TDRD10: variants seen among roughly 807,000 people sequenced by gnomAD.
TDRD10 encodes the protein tudor domain containing 10.
In TDRD10, 40 loss-of-function variants were observed where a neutral mutation model predicts 48.0. That is an observed-to-expected ratio of 0.83 (90% confidence interval 0.65 to 1.09). TDRD10 has a LOEUF of 1.09. Ranked by LOEUF, TDRD10 falls within the 50% of genes least tolerant of loss-of-function variation. TDRD10 has a pLI of 0.00. For missense variants in TDRD10, 378 were observed against 434.7 expected (o/e 0.87, Z 1.16); for synonymous variants, 162 against 170.4 (o/e 0.95, Z 0.38).
intron 12 of TDRD10, 24 bp downstream of exon 12, chr1:154,547,503 G>T: frequency 6.2e-7 from 1 of 1,614,214 alleles, no homozygotes; most frequent in African/African-American, 1.3e-5. Flanking sequence ...CATCTAACTT[G>T]GCTGTTGTCC....
intron 11 of TDRD10, among the ~76,000 whole-genome samples, chr1:154,545,770 T>G (rs888235919): frequency 7.2e-6 from 1 of 138,076 alleles, no homozygotes; most frequent in Non-Finnish European, 1.6e-5. Context: ...ACAAACTAAG[T>G]CTTTTTTTTT....
At chr1:154,505,695 C>T (rs894496134) in intron 1 of TDRD10, among the ~76,000 whole-genome samples, 1 of 152,164 alleles carries the variant, frequency 6.6e-6, no homozygotes, top group Non-Finnish European at 1.5e-5. Flanking sequence ...AATCACAGGA[C>T]TGAGTTACCT....
At chr1:154,542,332 ATCCTCCC>A (rs1376515996) in intron 7 of TDRD10, among the ~76,000 whole-genome samples, 2 of 152,164 alleles carry the variant, frequency 1.3e-5, no homozygotes, top group Non-Finnish European at 2.9e-5. Context: ...GGCTCAAGCC[ATCCTCCC>A]TCCTCAGCCT....
rs1694014471 is a variant in TDRD10, at chr1:154,520,754, T to A, written c.212+380T>A. Among the ~76,000 whole-genome samples the A allele has an allele frequency of 2.0e-5, 3 of 152,230 alleles. No individual in the cohort carries two copies. In the South Asian group the frequency reaches 6.2e-4, roughly 31 times the overall value. ...AAAAGTGCTTTGAACGTTTGTTTGT[T>A]TGAGACAGGGTCTTGCTCTGTCGCT... On this transcript the variant is annotated intron_variant, in intron 5 of 12. Coordinates refer to ENST00000368482, the MANE Select transcript of TDRD10 (RefSeq NM_182499.4).
Position 154,542,794 on chromosome 1 carries a change from C to T in TDRD10, c.476C>T (p.Ala159Val), listed in dbSNP as rs202139941. Reference protein sequence around the residue: ...DLCETEKLRAAFFAVPLEMRG... With the variant: ...DLCETEKLRAVFFAVPLEMRG... ...TGTGAGACAGAGAAACTGAGGGCAG[C>T]CTTCTTTGCAGTCCCGTTGGAAATG... is the stretch of plus-strand genomic sequence containing the variant. The change falls in exon 8 of 13, where the codon GCC becomes GTC. Residue 159 changes from alanine to valine, a missense_variant. By Grantham distance (64) the Ala-to-Val change is moderately conservative (BLOSUM62 0). Coordinates refer to ENST00000368482, the MANE Select transcript of TDRD10 (RefSeq NM_182499.4). The T allele has an allele frequency of 6.2e-7, 1 of 1,613,886 alleles. No homozygotes were observed.
At chr1:154,532,172 A>G (rs535153250) in intron 6 of TDRD10, among the ~76,000 whole-genome samples, 1 of 152,178 alleles carries the variant, frequency 6.6e-6, no homozygotes, top group African/African-American at 2.4e-5. Flanking sequence ...CAGGCAGCGC[A>G]GGAGCCCATG....
rs779384867 is a variant in TDRD10 at position 154,544,077 on chromosome 1, G to C, written c.618G>C (p.Lys206Asn). Residue 206 changes from lysine to asparagine, a missense_variant, in exon 9 of 13, where the codon AAG becomes AAC. By Grantham distance (94) the Lys-to-Asn change is moderately conservative (BLOSUM62 0). This residue lies in a region of TDRD10 where 310 missense variants were observed against 323.6 expected (regional missense o/e 0.96). Coordinates refer to ENST00000368482, the MANE Select transcript of TDRD10 (RefSeq NM_182499.4). ...TGCTGGTGACGAGTATCGTCCCGAAGACCCCGTTTTTCTGGGCTATGCACG... is the reference window on the plus strand; with the variant it reads ...TGCTGGTGACGAGTATCGTCCCGAACACCCCGTTTTTCTGGGCTATGCACG... ...AGLLVTSIVPKTPFFWAMHVT... is the reference protein window; with the variant it reads ...AGLLVTSIVPNTPFFWAMHVT... 3 of 1,614,176 alleles carry C rather than the reference G, an allele frequency of 1.9e-6. No homozygotes were observed. Among genetic ancestry groups the C allele is most frequent in the Non-Finnish European group, 2.5e-6 (3 of 1,180,032 alleles).
In TDRD10 at chr1:154,526,078, A is replaced by G. The variant is rs532905033; in HGVS notation, c.369+4599A>G. On this transcript the variant is annotated intron_variant, in intron 6 of 12. Coordinates refer to ENST00000368482, the MANE Select transcript of TDRD10 (RefSeq NM_182499.4). ...AAATTAGCCAGGCGTGGTGGCGTGC[A>G]CCTGTAGTCCCAGCTACTCGGGAGG... Among the ~76,000 whole-genome samples the G allele has an allele frequency of 1.2e-4, 18 of 148,352 alleles. No individual in the cohort carries two copies. The South Asian group carries it at 3.9e-3, about 32-fold the overall frequency.
At chr1:154,545,532 C>T (rs1390048885) in intron 11 of TDRD10, among the ~76,000 whole-genome samples, 1 of 152,104 alleles carries the variant, frequency 6.6e-6, no homozygotes, top group African/African-American at 2.4e-5. Flanking sequence ...AAGAAGCATA[C>T]ATACACATAC....
intron 10 of TDRD10, 24 bp downstream of exon 10, chr1:154,544,541 G>A (rs1695443828): frequency 6.2e-7 from 1 of 1,605,102 alleles, no homozygotes; most frequent in Non-Finnish European, 8.5e-7. Flanking sequence ...CAGGGGTAGA[G>A]TCTATGGGAG....
At chr1:154,543,269 C>T (rs190904765) in intron 8 of TDRD10, among the ~76,000 whole-genome samples, 74 of 152,006 alleles carry the variant, frequency 4.9e-4, no homozygotes, top group Admixed American at 4.2e-3. Flanking sequence ...AGTGAGACTC[C>T]ATCTCAAAAT....
intron 6 of TDRD10, among the ~76,000 whole-genome samples, chr1:154,524,606 T>A (rs1398932805): frequency 1.7e-4 from 26 of 152,126 alleles, no homozygotes; most frequent in Non-Finnish European, 5.9e-5. Context: ...CTATTAAGGG[T>A]TTTTGTGTGT....
At chr1:154,544,598 C>A in intron 10 of TDRD10, 81 bp downstream of exon 10, 2 of 1,529,692 alleles carry the variant, frequency 1.3e-6, no homozygotes, top group Non-Finnish European at 1.8e-6. Context: ...TTCCTTTGGG[C>A]TCTGGTTTTT....
chr1:154,540,544 A>T (rs1034780074), intron 6 of TDRD10, among the ~76,000 whole-genome samples: 1 of 148,706 alleles, frequency 6.7e-6, no homozygotes, highest in East Asian at 1.9e-4. Flanking sequence ...CGTTCACTCA[A>T]ATGGAGAAAG....
chr1:154,509,570 T>G (rs963662036), intron 4 of TDRD10, among the ~76,000 whole-genome samples: 15 of 152,234 alleles, frequency 9.9e-5, no homozygotes. Context: ...AGTCCCATGT[T>G]CTTTGCTTTG....
intron 6 of TDRD10, 36 bp downstream of exon 6, chr1:154,521,515 A>G: frequency 6.2e-7 from 1 of 1,604,864 alleles, no homozygotes; most frequent in Non-Finnish European, 8.5e-7. Flanking sequence ...GGGGCGTTCC[A>G]TTTTCACCCT....
rs200489264 is a variant in TDRD10, at chr1:154,542,737, T to C, written c.419T>C (p.Ile140Thr). The change falls in exon 8 of 13, where the codon ATA (isoleucine) becomes ACA (threonine). Residue 140 changes from isoleucine to threonine, a missense_variant. By Grantham distance (89) the Ile-to-Thr change is moderately conservative (BLOSUM62 -1). Coordinates refer to ENST00000368482, the MANE Select transcript of TDRD10 (RefSeq NM_182499.4). ...TTAGTCTTCTGCTTTCTAGCTATTA[T>C]ACAGCTCGCTCCTAAAGCTCCTGTT... is the stretch of plus-strand genomic sequence containing the variant. ...GEGFGKTAAIIQLAPKAPVDL... is the reference protein window; with the variant it reads ...GEGFGKTAAITQLAPKAPVDL... 5.0e-6 allele frequency: 8 copies of C among 1,613,480 alleles called. No homozygotes were observed. The African/African-American group carries it at 6.7e-5, about 13-fold the overall frequency.
In TDRD10 at chr1:154,531,906, G is replaced by A. The variant is rs547057866; in HGVS notation, c.370-10118G>A. ...CTAGATTAGCTAGATACAGAGTGTC[G>A]ATTGGTGTATTCACAAACCCTGAGC... On this transcript the variant is annotated intron_variant, in intron 6 of 12. Transcript: ENST00000368482. Among the ~76,000 whole-genome samples the A allele has an allele frequency of 1.5e-3, 229 of 152,310 alleles. 7 individuals are homozygous for A. The highest frequency in any genetic ancestry group is 1.8e-4 in the Non-Finnish European group (12 of 68,028).
In TDRD10 at chr1:154,542,039, T is replaced by C; in HGVS notation, c.385T>C (p.Ser129Pro). ...TTCTTCCCAGGTGTTGGAGAAGGCT[T>C]CTGGTGAAGGATTTGGCAAAACCGC... ...PRAPLVLEKA[S>P]GEGFGKTAAI... Residue 129 changes from serine (S) to proline (P), a missense_variant, in exon 7 of 13, where the codon TCT becomes CCT. Physicochemically the swap from Ser to Pro is moderately conservative, Grantham distance 74 (BLOSUM62 -1). Transcript: ENST00000368482. The C allele has an allele frequency of 6.2e-7, 1 of 1,614,008 alleles. No individual in the cohort carries two copies. Among genetic ancestry groups the C allele is most frequent in the Non-Finnish European group, 8.5e-7 (1 of 1,179,948 alleles).
Sources: gnomAD v4.1 joint callset for allele counts (sites outside exome capture counted in the v4.1 genomes callset) on GRCh38, gnomAD v4.1.1 for gene constraint, gnomAD v4.1.1 regional missense constraint, MANE v1.5 for transcripts, NCBI Gene and HGNC (gene_info 2026-07-23, HGNC 2026-07-21) for gene names.